NRXN3: variants seen among roughly 807,000 people sequenced by gnomAD.
NRXN3 encodes neurexin III.
Under a neutral mutation model 137.6 loss-of-function variants are expected in NRXN3, and 32 were observed. That is an observed-to-expected ratio of 0.23 (90% CI 0.18 to 0.31). NRXN3 has a LOEUF of 0.31. Ranked by LOEUF, NRXN3 falls within the 10% of genes least tolerant of loss-of-function variation. NRXN3 has a pLI of 1.00. For missense variants in NRXN3, 1,574 were observed against 2,062.5 expected (o/e 0.76, Z 4.59); for synonymous variants, 798 against 784.5 (o/e 1.02, Z -0.29).
intron 15 of NRXN3, among the ~76,000 whole-genome samples, chr14:79,385,092 G>C (rs1256561071): frequency 6.6e-6 from 1 of 151,582 alleles, no homozygotes; most frequent in African/African-American, 2.4e-5. Flanking sequence ...TAAGTTTTAG[G>C]GTACATGTGC....
At chr14:78,372,274 C>G (rs2086977169) in intron 4 of NRXN3, among the ~76,000 whole-genome samples, 1 of 147,874 alleles carries the variant, frequency 6.8e-6, no homozygotes, top group African/African-American at 2.4e-5. Context: ...ACCAACTTCT[C>G]TCTTTTTTCT....
intron 15 of NRXN3, among the ~76,000 whole-genome samples, chr14:79,060,704 A>G (rs544391490): frequency 2.0e-5 from 3 of 152,176 alleles, no homozygotes; most frequent in Non-Finnish European, 4.4e-5. Flanking sequence ...TCCGTGTCTC[A>G]GCTTCCTATA....
chr14:78,919,882 C>T (rs1223727478), intron 10 of NRXN3, among the ~76,000 whole-genome samples: 1 of 152,258 alleles, frequency 6.6e-6, no homozygotes, highest in East Asian at 1.9e-4. Flanking sequence ...TATTATATTT[C>T]AGTCACAGTG....
intron 4 of NRXN3, among the ~76,000 whole-genome samples, chr14:78,450,634 G>A (rs2094529719): frequency 6.6e-6 from 1 of 152,178 alleles, no homozygotes; most frequent in Non-Finnish European, 1.5e-5. Flanking sequence ...GGGAGGCTGG[G>A]GCATCAGAAC....
chr14:78,640,109 G>A (rs1256338933), intron 4 of NRXN3, among the ~76,000 whole-genome samples: 2 of 152,048 alleles, frequency 1.3e-5, no homozygotes, highest in African/African-American at 2.4e-5. Flanking sequence ...CCACACTTTG[G>A]TTTCCTCCTG....
intron 10 of NRXN3, among the ~76,000 whole-genome samples, chr14:78,914,132 C>G (rs1473408083): frequency 6.6e-6 from 1 of 152,176 alleles, no homozygotes; most frequent in Admixed American, 6.5e-5. Flanking sequence ...TCACACTCTA[C>G]TTACTACCAG....
Position 78,966,361 on chromosome 14 carries a change from A to G in NRXN3, c.2732A>G (p.Asn911Ser), listed in dbSNP as rs745435827. Residue 911 changes from asparagine (N) to serine (S), a missense_variant, in exon 12 of 21, where the codon AAT (asparagine) becomes AGT (serine). Coordinates refer to ENST00000335750, the MANE Select transcript of NRXN3 (RefSeq NM_001330195.2). The part of the protein sequence containing the change: ...TTSPDGFILF[N>S]SGDGNDFIAV... ...TCACCAGATGGCTTCATTCTCTTCA[A>G]TAGTGGTGATGGCAATGACTTCATT... is the stretch of plus-strand genomic sequence containing the variant. 2 of 1,614,128 alleles carry G rather than the reference A, an allele frequency of 1.2e-6. No homozygotes were observed. The highest frequency in any genetic ancestry group is 1.1e-5 in the South Asian group (1 of 91,086).
At chr14:78,189,946 C>A (rs894092334) in intron 1 of NRXN3, among the ~76,000 whole-genome samples, 4 of 152,172 alleles carry the variant, frequency 2.6e-5, no homozygotes, top group African/African-American at 9.7e-5. Flanking sequence ...CCGTCCTTAC[C>A]GTACTTCGTA....
intron 8 of NRXN3, among the ~76,000 whole-genome samples, chr14:78,726,029 T>A (rs1342374424): frequency 6.6e-6 from 1 of 152,130 alleles, no homozygotes; most frequent in Non-Finnish European, 1.5e-5. Flanking sequence ...CACTCCTGAG[T>A]CCTCTCTTCT....
At chr14:78,234,543 C>T (rs1025073528) in intron 1 of NRXN3, among the ~76,000 whole-genome samples, 2 of 152,160 alleles carry the variant, frequency 1.3e-5, no homozygotes, top group East Asian at 3.9e-4. Context: ...AGAGCCCATG[C>T]CTTTAACCAC....
intron 10 of NRXN3, among the ~76,000 whole-genome samples, chr14:78,822,594 G>C (rs2098953860): frequency 6.6e-6 from 1 of 151,738 alleles, no homozygotes; most frequent in Non-Finnish European, 1.5e-5. Flanking sequence ...AGAATCACTT[G>C]AACCTGGGAG....
At position 79,864,217 on chromosome 14, in the gene NRXN3, G is replaced by A. The variant is rs2099416855; in HGVS notation, c.*2253G>A. The A allele has an allele frequency of 6.6e-6, 1 of 152,340 alleles. No homozygotes were observed. Among genetic ancestry groups the A allele is most frequent in the Non-Finnish European group, 1.5e-5 (1 of 67,964 alleles). The allele number at this position is 152,340 out of a possible 1,614,324, so 9.4% of individuals were successfully genotyped here. ...TAATACATTTGTTATATTCCTTTCA[G>A]TGTAAGTTTCTATTTGGACAATTTT... On this transcript the variant is annotated 3_prime_UTR_variant, in exon 21 of 21. Coordinates refer to ENST00000335750, the MANE Select transcript of NRXN3 (RefSeq NM_001330195.2).
chr14:79,687,041 G>A (rs2098698153), intron 17 of NRXN3, among the ~76,000 whole-genome samples: 1 of 152,124 alleles, frequency 6.6e-6, no homozygotes, highest in Non-Finnish European at 1.5e-5. Context: ...TCTGTTCCAA[G>A]ACATTAATTT....
intron 1 of NRXN3, among the ~76,000 whole-genome samples, chr14:78,226,582 G>A (rs2064702888): frequency 6.6e-6 from 1 of 152,130 alleles, no homozygotes; most frequent in South Asian, 2.1e-4. Flanking sequence ...GAAAACTAAT[G>A]CAAAATTACA....
intron 16 of NRXN3, among the ~76,000 whole-genome samples, chr14:79,619,250 T>C (rs780677137): frequency 2.6e-4 from 40 of 152,162 alleles, no homozygotes; most frequent in Non-Finnish European, 5.1e-4. Context: ...GTAATTGCTT[T>C]TGGAGATTTA....
intron 1 of NRXN3, among the ~76,000 whole-genome samples, chr14:78,227,034 A>C (rs2064765645): frequency 6.6e-6 from 1 of 152,202 alleles, no homozygotes; most frequent in Admixed American, 6.5e-5. Context: ...GGAAGGTAGC[A>C]CTTCTTAGAC....
chr14:78,557,610 T>TA (rs1369539875), intron 4 of NRXN3, among the ~76,000 whole-genome samples: 1 of 152,234 alleles, frequency 6.6e-6, no homozygotes, highest in Non-Finnish European at 1.5e-5. Context: ...TTAGTTCTTA[T>TA]GACAGCTGCA....
chr14:79,511,470 C>A (rs768609228), intron 16 of NRXN3, among the ~76,000 whole-genome samples: 2 of 152,158 alleles, frequency 1.3e-5, no homozygotes, highest in African/African-American at 4.8e-5. Flanking sequence ...ATTCCCTTAC[C>A]ACCAGCTATC....
chr14:79,208,494 C>A (rs928980845), intron 15 of NRXN3, among the ~76,000 whole-genome samples: 9 of 152,250 alleles, frequency 5.9e-5, no homozygotes, highest in East Asian at 1.9e-4. Flanking sequence ...AAGAATATTT[C>A]TTCATTGCAA....
Sources: allele counts gnomAD v4.1 joint callset (sites outside exome capture counted in the v4.1 genomes callset), GRCh38; gene constraint gnomAD v4.1.1; transcripts MANE v1.5; gene names NCBI Gene and HGNC (gene_info 2026-07-23, HGNC 2026-07-21).